ZBTB7C: variants seen among roughly 807,000 people sequenced by gnomAD.
The protein encoded by ZBTB7C is zinc finger and BTB domain-containing protein 7C.
ZBTB7C carries 8 observed loss-of-function variants against 25.7 expected under a neutral mutation model. The ratio of observed to expected loss-of-function variants is 0.31; its 90% CI spans 0.18 to 0.56. The LOEUF (loss-of-function observed/expected upper bound fraction) is 0.56, where lower values mean the gene tolerates loss of function less well. Ranked by LOEUF, ZBTB7C falls within the 20% of genes least tolerant of loss-of-function variation. The pLI, the probability that ZBTB7C is intolerant of heterozygous loss-of-function variation, is 0.91. For missense variants in ZBTB7C, 824 were observed against 855.2 expected (o/e 0.96, Z 0.46); for synonymous variants, 394 against 369.0 (o/e 1.07, Z -0.78).
intron 3 of ZBTB7C, among the ~76,000 whole-genome samples, chr18:48,142,346 G>A (rs1374753729): frequency 6.6e-6 from 1 of 152,232 alleles, no homozygotes; most frequent in Non-Finnish European, 1.5e-5. Context: ...GGAGCACTGG[G>A]AGACCAGCCG....
rs115637996 is a variant in ZBTB7C at position 48,238,476 on chromosome 18, G to A, written c.-78-52481C>T. 2.7e-3 allele frequency among the ~76,000 whole-genome samples: 408 copies of A among 152,320 alleles called. 5 individuals carry two copies. Among genetic ancestry groups the A allele is most frequent in the African/African-American group, 9.4e-3 (389 of 41,568 alleles). On this transcript the variant is annotated intron_variant, in intron 2 of 4. Transcript: ENST00000590800. The stretch of plus-strand genomic sequence containing the variant: ...AACTGAGTGCCCAAAGTGTGTGAGA[G>A]GGAAAGTCTGCCTCTGAACACACAT...
rs980742063 is a variant in ZBTB7C, at chr18:48,257,624, C to T, written c.-78-71629G>A. On this transcript the variant is annotated intron_variant, in intron 2 of 4. Coordinates refer to ENST00000590800, the MANE Select transcript of ZBTB7C (RefSeq NM_001318841.2). ...AAGAAAAGAAAACTACAGACTAATA[C>T]CCTTCATGAACAAGATACAGAAATT... Among the ~76,000 whole-genome samples, 3 of 151,982 alleles carry T rather than the reference C, an allele frequency of 2.0e-5. No homozygotes were observed. The East Asian group carries it at 5.8e-4, about 29-fold the overall frequency.
intron 3 of ZBTB7C, among the ~76,000 whole-genome samples, chr18:48,069,946 T>C (rs1485519791): frequency 2.0e-5 from 3 of 152,124 alleles, no homozygotes; most frequent in Non-Finnish European, 2.9e-5. Flanking sequence ...GCTCTTTATG[T>C]ACATGCTGTC....
At chr18:48,119,625 A>C (rs897317579) in intron 3 of ZBTB7C, among the ~76,000 whole-genome samples, 3 of 152,146 alleles carry the variant, frequency 2.0e-5, no homozygotes, top group African/African-American at 4.8e-5. Context: ...ATCATAGTTC[A>C]TGTGTAACAG....
At chr18:48,283,758 C>A (rs554863978) in intron 2 of ZBTB7C, among the ~76,000 whole-genome samples, 61 of 152,274 alleles carry the variant, frequency 4.0e-4, no homozygotes, top group Admixed American at 1.5e-3. Context: ...AGTTCTCCTG[C>A]CTACCTCACT....
At chr18:48,365,114 T>G (rs2047193066) in intron 1 of ZBTB7C, among the ~76,000 whole-genome samples, 1 of 152,262 alleles carries the variant, frequency 6.6e-6, no homozygotes, top group African/African-American at 2.4e-5. Flanking sequence ...TTCATGGCTG[T>G]GTAGTAGTCC....
intron 2 of ZBTB7C, among the ~76,000 whole-genome samples, chr18:48,209,724 C>T (rs182549874): frequency 2.0e-5 from 3 of 151,822 alleles, no homozygotes; most frequent in Admixed American, 2.0e-4. Context: ...CACTAAACTC[C>T]CACCTGGGCA....
intron 2 of ZBTB7C, among the ~76,000 whole-genome samples, chr18:48,272,944 G>A (rs571375929): frequency 2.6e-5 from 4 of 152,154 alleles, no homozygotes; most frequent in African/African-American, 9.7e-5. Flanking sequence ...AAACATAGAG[G>A]ACAGGCAAAT....
At position 48,029,820 on chromosome 18, in the gene ZBTB7C, C is replaced by T. The variant is rs1161916940; in HGVS notation, c.1300G>A (p.Asp434Asn). 3 of 1,609,356 alleles carry T rather than the reference C, an allele frequency of 1.9e-6. No individual in the cohort carries two copies. Among genetic ancestry groups the T allele is most frequent in the East Asian group, 2.2e-5 (1 of 44,866 alleles). Residue 434 changes from aspartate to asparagine, a missense_variant, in exon 5 of 5, where the codon GAC (aspartate) becomes AAC (asparagine). Around this residue, in one of 4 missense-constraint regions of ZBTB7C, gnomAD observed 342 missense variants for 307.0 expected, o/e 1.11. Coordinates refer to ENST00000590800, the MANE Select transcript of ZBTB7C (RefSeq NM_001318841.2). Reference sequence around the variant, plus strand: ...TGGATGCGCATGTGGTTCTTGAGGTCGTAGTTGTGCACGAACTTGGCGTTG... The same window carrying T: ...TGGATGCGCATGTGGTTCTTGAGGTTGTAGTTGTGCACGAACTTGGCGTTG... ...HCNAKFVHNYDLKNHMRIHTG... is the reference protein window; with the variant it reads ...HCNAKFVHNYNLKNHMRIHTG...
At chr18:48,228,747 T>TCTCACA (rs764202971) in intron 2 of ZBTB7C, among the ~76,000 whole-genome samples, 53 of 141,180 alleles carry the variant, frequency 3.8e-4, no homozygotes, top group African/African-American at 1.1e-3. Flanking sequence ...TCTCTCTCTC[T>TCTCACA]CACACACACA....
chr18:48,380,856 G>A (rs1419245126), intron 1 of ZBTB7C, among the ~76,000 whole-genome samples: 4 of 152,230 alleles, frequency 2.6e-5, no homozygotes, highest in East Asian at 1.9e-4. Context: ...TGACGTATAC[G>A]AAAGCTCTCT....
At chr18:48,128,044 T>C (rs2039863130) in intron 3 of ZBTB7C, among the ~76,000 whole-genome samples, 1 of 152,212 alleles carries the variant, frequency 6.6e-6, no homozygotes, top group South Asian at 2.1e-4. Context: ...TTCTCCAACC[T>C]TCCCTGGGTC....
At chr18:48,202,282 GCTGGA>G (rs901588246) in intron 2 of ZBTB7C, among the ~76,000 whole-genome samples, 2 of 152,176 alleles carry the variant, frequency 1.3e-5, no homozygotes, top group African/African-American at 4.8e-5. Context: ...CATGGGCAGG[GCTGGA>G]GTTCAGGGTA....
chr18:48,359,696 C>G (rs529404436), intron 1 of ZBTB7C, among the ~76,000 whole-genome samples: 1 of 152,284 alleles, frequency 6.6e-6, no homozygotes, highest in Non-Finnish European at 1.5e-5. Flanking sequence ...CTGTCCTTTT[C>G]CTTTTGCCCA....
At chr18:48,409,165 G>A (rs957922291) in intron 1 of ZBTB7C, 61 bp downstream of exon 1, 3 of 148,870 alleles carry the variant, frequency 2.0e-5, no homozygotes, top group African/African-American at 7.4e-5. Context: ...GGCTGCCGAG[G>A]TGCTGTGGAG....
intron 1 of ZBTB7C, among the ~76,000 whole-genome samples, chr18:48,400,999 G>A (rs142685065): frequency 1.3e-5 from 2 of 152,248 alleles, no homozygotes; most frequent in East Asian, 3.9e-4. Flanking sequence ...CCCCAGCAGT[G>A]ACATCTGGAT....
chr18:48,070,020 T>C (rs1011090074), intron 3 of ZBTB7C, among the ~76,000 whole-genome samples: 1 of 152,266 alleles, frequency 6.6e-6, no homozygotes, highest in Non-Finnish European at 1.5e-5. Context: ...ATTGAGCCTC[T>C]CAGAGCTGAA....
intron 3 of ZBTB7C, among the ~76,000 whole-genome samples, chr18:48,056,907 CCAAAATTCCATAA>C (rs1247743805): frequency 2.0e-5 from 3 of 151,658 alleles, no homozygotes; most frequent in African/African-American, 7.3e-5. Context: ...TTATGTACAT[CCAAAATTCCATAA>C]CAAAATCAAG....
At chr18:48,299,054 C>T (rs920593450) in intron 2 of ZBTB7C, among the ~76,000 whole-genome samples, 2 of 152,156 alleles carry the variant, frequency 1.3e-5, no homozygotes, top group East Asian at 3.9e-4. Context: ...CAAAGAGGCA[C>T]CCACAGAGGT....
Sources: allele counts gnomAD v4.1 joint callset (sites outside exome capture counted in the v4.1 genomes callset), GRCh38; gene constraint gnomAD v4.1.1; regional missense constraint gnomAD v4.1.1; transcripts MANE v1.5; gene names NCBI Gene and HGNC (gene_info 2026-07-23, HGNC 2026-07-21).